JAZF1: variants seen among roughly 807,000 people sequenced by gnomAD.
The protein encoded by JAZF1 is JAZF zinc finger 1.
In JAZF1, 8 loss-of-function variants were observed where a neutral mutation model predicts 26.4. The ratio of observed to expected loss-of-function variants is 0.30; its 90% CI spans 0.18 to 0.55. The LOEUF (loss-of-function observed/expected upper bound fraction) is 0.55. Ranked by LOEUF, JAZF1 falls within the 20% of genes least tolerant of loss-of-function variation. JAZF1 has a pLI of 0.94. For missense variants in JAZF1, 199 were observed against 322.0 expected (o/e 0.62, Z 2.92); for synonymous variants, 126 against 122.3 (o/e 1.03, Z -0.20).
chr7:27,977,304 T>C (rs758868802), intron 2 of JAZF1, among the ~76,000 whole-genome samples: 2 of 152,350 alleles, frequency 1.3e-5, no homozygotes, highest in East Asian at 3.9e-4. Flanking sequence ...TTATACTTTA[T>C]TAGAATACAT....
chr7:28,090,890 G>A (rs1364032269), intron 1 of JAZF1, among the ~76,000 whole-genome samples: 1 of 145,536 alleles, frequency 6.9e-6, no homozygotes, highest in African/African-American at 2.5e-5. Context: ...GCAGTGGCGC[G>A]ATCTCGGCTC....
chr7:27,988,599 C>T (rs1785813339), intron 2 of JAZF1, among the ~76,000 whole-genome samples: 1 of 152,078 alleles, frequency 6.6e-6, no homozygotes, highest in African/African-American at 2.4e-5. Context: ...TATGTACACT[C>T]TCATGAGTGA....
At chr7:28,146,855 T>G (rs976502695) in intron 1 of JAZF1, among the ~76,000 whole-genome samples, 28 of 150,474 alleles carry the variant, frequency 1.9e-4, no homozygotes, top group South Asian at 8.4e-4. Flanking sequence ...GTTTTGGTGG[T>G]TTTTTTTTGT....
At chr7:27,882,705 G>A (rs912919664) in intron 3 of JAZF1, among the ~76,000 whole-genome samples, 1 of 152,056 alleles carries the variant, frequency 6.6e-6, no homozygotes, top group African/African-American at 2.4e-5. Context: ...GTGTGCCTGG[G>A]GATCATTTTA....
Position 27,976,672 on chromosome 7 carries a change from C to T in JAZF1, c.188+15237G>A, listed in dbSNP as rs565985642. On this transcript the variant is annotated intron_variant, in intron 2 of 4. Transcript: ENST00000283928. The stretch of plus-strand genomic sequence containing the variant: ...GTACTGTAATAAATATGACTGCTCT[C>T]AGAAGACCATAAACAGGTGGTTTCA... Among the ~76,000 whole-genome samples the T allele has an allele frequency of 9.2e-5, 14 of 151,462 alleles. No homozygotes were observed. In the South Asian group the frequency reaches 2.5e-3, roughly 27 times the overall value.
chr7:28,081,264 A>T (rs932932158), intron 1 of JAZF1, among the ~76,000 whole-genome samples: 1 of 152,204 alleles, frequency 6.6e-6, no homozygotes, highest in African/African-American at 2.4e-5. Flanking sequence ...AGGAAATCAC[A>T]TAACGATGAG....
intron 1 of JAZF1, among the ~76,000 whole-genome samples, chr7:27,998,083 C>CAGGCAGGCAGGCAGGT (rs1239560818): frequency 1.4e-5 from 2 of 143,334 alleles, no homozygotes; most frequent in Non-Finnish European, 3.0e-5. Flanking sequence ...GGCAGGCAGG[C>CAGGCAGGCAGGCAGGT]AGGCAGGCAG....
intron 1 of JAZF1, among the ~76,000 whole-genome samples, chr7:28,035,937 T>C (rs1783284831): frequency 6.6e-6 from 1 of 152,320 alleles, no homozygotes; most frequent in South Asian, 2.1e-4. Flanking sequence ...ATAATATCTT[T>C]AAGTGGAAGA....
intron 1 of JAZF1, among the ~76,000 whole-genome samples, chr7:28,073,712 C>T (rs546637689): frequency 6.6e-6 from 1 of 152,102 alleles, no homozygotes; most frequent in South Asian, 2.1e-4. Context: ...GCTGGCAACC[C>T]CAGGAGGAAA....
intron 1 of JAZF1, among the ~76,000 whole-genome samples, chr7:28,064,081 TA>T (rs901994092): frequency 5.9e-5 from 9 of 151,728 alleles, no homozygotes; most frequent in Admixed American, 5.3e-4. Context: ...TGCCAAGAGT[TA>T]AAAAAAATTG....
chr7:27,951,766 G>C (rs760523536), intron 2 of JAZF1, among the ~76,000 whole-genome samples: 1 of 152,192 alleles, frequency 6.6e-6, no homozygotes, highest in African/African-American at 2.4e-5. Flanking sequence ...CCATCTCCTA[G>C]TTTTAGAATC....
chr7:27,935,575 C>T (rs558258909), intron 2 of JAZF1, among the ~76,000 whole-genome samples: 2 of 151,990 alleles, frequency 1.3e-5, no homozygotes, highest in Non-Finnish European at 2.9e-5. Flanking sequence ...CTAATGTGTA[C>T]GTGGTTTGAG....
chr7:28,111,410 T>C (rs1218328242), intron 1 of JAZF1, among the ~76,000 whole-genome samples: 1 of 152,250 alleles, frequency 6.6e-6, no homozygotes, highest in Non-Finnish European at 1.5e-5. Flanking sequence ...TGTTTGTTTA[T>C]TAATTCATTT....
intron 1 of JAZF1, among the ~76,000 whole-genome samples, chr7:28,139,800 G>A (rs1410661054): frequency 6.6e-6 from 1 of 152,142 alleles, no homozygotes; most frequent in East Asian, 1.9e-4. Flanking sequence ...TCCACTAAAC[G>A]ACTAGGCCTT....
At chr7:28,108,846 C>T (rs1489247218) in intron 1 of JAZF1, among the ~76,000 whole-genome samples, 3 of 152,116 alleles carry the variant, frequency 2.0e-5, no homozygotes, top group African/African-American at 7.2e-5. Flanking sequence ...TTGTGGTATT[C>T]ATACACAATG....
rs976585752 is a variant in JAZF1 at position 27,927,639 on chromosome 7, T to C, written c.189-32223A>G. On this transcript the variant is annotated intron_variant, in intron 2 of 4. Transcript: ENST00000283928. ...TAAGCCTTTGTGGGCAAGGGCCTCA[T>C]AGAATCATCAAGCTATATTTCTCAT... Among the ~76,000 whole-genome samples, 6 of 152,146 alleles carry C rather than the reference T, an allele frequency of 3.9e-5. 1 individual carries two copies. Among genetic ancestry groups the C allele is most frequent in the Admixed American group, 3.3e-4 (5 of 15,268 alleles).
chr7:28,080,141 G>A (rs1784112649), intron 1 of JAZF1, among the ~76,000 whole-genome samples: 1 of 152,224 alleles, frequency 6.6e-6, no homozygotes, highest in South Asian at 2.1e-4. Flanking sequence ...ATCAGCACTT[G>A]CTGCCTCACT....
At chr7:27,994,473 A>G (rs915495601) in intron 1 of JAZF1, among the ~76,000 whole-genome samples, 2 of 12,004 alleles carry the variant, frequency 1.7e-4, no homozygotes, top group Non-Finnish European at 3.0e-4. Flanking sequence ...AAAAAAAAAC[A>G]CACACACACA....
chr7:27,849,419 TAG>T (rs1258411748), intron 3 of JAZF1, among the ~76,000 whole-genome samples: 1 of 152,216 alleles, frequency 6.6e-6, no homozygotes, highest in Non-Finnish European at 1.5e-5. Context: ...TCGCTAATGT[TAG>T]AGTTTCTGCA....
Sources: allele counts gnomAD v4.1 joint callset (sites outside exome capture counted in the v4.1 genomes callset), GRCh38; gene constraint gnomAD v4.1.1; transcripts MANE v1.5; gene names NCBI Gene and HGNC (gene_info 2026-07-23, HGNC 2026-07-21).